The following PRKG2 variants were observed in gnomAD, a reference collection of about 807,000 sequenced individuals.
The protein encoded by PRKG2 is cGMP-dependent protein kinase 2.
PRKG2 carries 33 observed loss-of-function variants against 97.2 expected under a neutral mutation model. The ratio of observed to expected loss-of-function variants is 0.34; its 90% CI spans 0.26 to 0.45. PRKG2 has a LOEUF of 0.45. Among genes scored for constraint, PRKG2 ranks in the 20% least tolerant of loss-of-function variants. PRKG2 has a pLI of 1.00. For synonymous variants in PRKG2, 330 were observed against 321.8 expected, an observed-to-expected ratio of 1.03 and a Z score of -0.27; for missense variants, 638 against 900.0, an observed-to-expected ratio of 0.71 and a Z score of 3.73.
intron 17 of PRKG2, among the ~76,000 whole-genome samples, chr4:81,102,550 T>C (rs1742907218): frequency 6.6e-6 from 1 of 152,232 alleles, no homozygotes; most frequent in South Asian, 2.1e-4. Flanking sequence ...TAATGAGCTT[T>C]ACAGCTGAAG....
chr4:81,164,460 A>C (rs1315477945), intron 6 of PRKG2, among the ~76,000 whole-genome samples: 1 of 151,192 alleles, frequency 6.6e-6, no homozygotes, highest in African/African-American at 2.4e-5. Flanking sequence ...GAAAAAAAAA[A>C]ATCCTGGTTT....
intron 2 of PRKG2, among the ~76,000 whole-genome samples, chr4:81,201,702 A>G (rs1753325488): frequency 6.6e-6 from 1 of 152,172 alleles, no homozygotes; most frequent in Non-Finnish European, 1.5e-5. Flanking sequence ...ATTCAAATTC[A>G]GAATCTATCA....
At chr4:81,217,031 GTATATATATA>G (rs35897460), upstream of PRKG2, among the ~76,000 whole-genome samples, 9 of 115,296 alleles carry the variant, frequency 7.8e-5, no homozygotes, top group Admixed American at 7.0e-4. Context: ...TATATATTTT[GTATATATATA>G]TATATATATA....
chr4:81,095,751 T>A (rs552794770), intron 17 of PRKG2, among the ~76,000 whole-genome samples: 7 of 152,190 alleles, frequency 4.6e-5, no homozygotes, highest in Non-Finnish European at 7.3e-5. Flanking sequence ...AGAAGACTCA[T>A]AGAGTCTATT....
At chr4:81,110,311 C>T in intron 15 of PRKG2, 137 bp downstream of exon 15, 2 of 891,842 alleles carry the variant, frequency 2.2e-6, no homozygotes, top group South Asian at 4.1e-5. Context: ...GAAACAATGT[C>T]ATGAGAAAAA....
chr4:81,108,286 T>G (rs1455993973), intron 15 of PRKG2, among the ~76,000 whole-genome samples: 1 of 152,122 alleles, frequency 6.6e-6, no homozygotes, highest in Non-Finnish European at 1.5e-5. Context: ...TGACTTTCCA[T>G]GAACTACTTT....
chr4:81,106,576 T>G (rs1743364281), intron 15 of PRKG2, among the ~76,000 whole-genome samples: 1 of 152,160 alleles, frequency 6.6e-6, no homozygotes, highest in African/African-American at 2.4e-5. Context: ...ATGATGGTAG[T>G]GAGAAAGTCA....
Position 81,087,538 on chromosome 4 carries a change from C to T in PRKG2, c.*2170G>A, listed in dbSNP as rs1421171291. 6.6e-6 allele frequency: 1 copy of T among 152,064 alleles called. No homozygotes were observed. The highest frequency in any genetic ancestry group is 1.9e-4 in the East Asian group (1 of 5,180). The allele number at this position is 152,064 out of a possible 1,614,324, so 9.4% of individuals were successfully genotyped here. A position where few individuals can be genotyped will look rare whatever the true frequency, so the allele number is the denominator to read the frequency against. On this transcript the variant is annotated 3_prime_UTR_variant, in exon 19 of 19. Transcript: ENST00000264399. ...TAATAGAGACAGTAACAGTAGCTCC[C>T]GTCTATGCAGCAATGGTTATTTCAC... is the stretch of plus-strand genomic sequence containing the variant.
intron 1 of PRKG2, among the ~76,000 whole-genome samples, chr4:81,214,551 C>T (rs1754176765): frequency 6.6e-6 from 1 of 152,050 alleles, no homozygotes; most frequent in South Asian, 2.1e-4. Context: ...CAGAGCTCGA[C>T]GAAGCAAAGC....
rs189731436 is a variant in PRKG2 at position 81,154,732 on chromosome 4, G to T, written c.913-1011C>A. ...AGCGCCTCTCCTCCTCCAAAGGAAC[G>T]CAGTTCCTCACTAGCAACAGAACAA... On this transcript the variant is annotated intron_variant, in intron 6 of 18. Coordinates refer to ENST00000264399, the MANE Select transcript of PRKG2 (RefSeq NM_006259.3). Among the ~76,000 whole-genome samples, 216 of 152,286 alleles carry T rather than the reference G, an allele frequency of 1.4e-3. 2 individuals are homozygous for T. Among genetic ancestry groups the T allele is most frequent in the African/African-American group, 4.7e-3 (197 of 41,546 alleles).
intron 17 of PRKG2, among the ~76,000 whole-genome samples, chr4:81,101,027 C>T (rs1350440450): frequency 6.6e-6 from 1 of 152,058 alleles, no homozygotes; most frequent in Non-Finnish European, 1.5e-5. Flanking sequence ...TACCATCTCA[C>T]ACCAGTTAGA....
chr4:81,214,502 TA>T (rs1242549017), intron 1 of PRKG2, among the ~76,000 whole-genome samples: 1 of 151,218 alleles, frequency 6.6e-6, no homozygotes, highest in Non-Finnish European at 1.5e-5. Flanking sequence ...CCAGGACTCC[TA>T]AAAGTCCTTG....
At chr4:81,198,261 G>C (rs556667948) in intron 2 of PRKG2, among the ~76,000 whole-genome samples, 44 of 152,334 alleles carry the variant, frequency 2.9e-4, no homozygotes, top group African/African-American at 1.1e-3. Context: ...TGAGAGGGCT[G>C]AGGTGGGGAA....
rs528961445 is a variant in PRKG2, at chr4:81,183,760, C to T, written c.462-8801G>A. Among the ~76,000 whole-genome samples the T allele has an allele frequency of 3.3e-5, 5 of 152,160 alleles. No individual in the cohort carries two copies. The East Asian group carries it at 7.8e-4, about 24-fold the overall frequency. ...ATCCACTAGCTTGAAATTCTCACTG[C>T]CAGTACAGCAGTCTGAAGTCAACCT... On this transcript the variant is annotated intron_variant, in intron 2 of 18. Transcript: ENST00000264399.
chr4:81,117,092 A>C (rs1744618397), intron 14 of PRKG2, among the ~76,000 whole-genome samples: 1 of 148,158 alleles, frequency 6.7e-6, no homozygotes, highest in African/African-American at 2.5e-5. Flanking sequence ...TCCTGGGCTA[A>C]AGCAATCCTC....
At chr4:81,147,396 T>TA (rs1747958816) in intron 9 of PRKG2, among the ~76,000 whole-genome samples, 1 of 152,204 alleles carries the variant, frequency 6.6e-6, no homozygotes, top group Non-Finnish European at 1.5e-5. Context: ...CCAATATATT[T>TA]TCCATTTGAG....
At position 81,204,819 on chromosome 4, in the gene PRKG2, T is replaced by C. The variant is rs772427647; in HGVS notation, c.229A>G (p.Ile77Val). Residue 77 changes from isoleucine (I) to valine (V), a missense_variant, in exon 2 of 19, where the codon ATC becomes GTC. This residue lies in a region of PRKG2 where 332 missense variants were observed against 421.7 expected (regional missense o/e 0.79). Coordinates refer to ENST00000264399, the MANE Select transcript of PRKG2 (RefSeq NM_006259.3). ...ACATCCTGCAGCTTGTTCAGCTGGA[T>C]GCACTTGTTCTGGAGCTCCTCTGTG... ...ELTEELQNKC[I>V]QLNKLQDVVH... The C allele has an allele frequency of 1.2e-6, 2 of 1,614,218 alleles. No individual in the cohort carries two copies. The highest frequency in any genetic ancestry group is 3.3e-5 in the Admixed American group (2 of 60,028).
At chr4:81,173,986 C>A (rs954871874) in intron 3 of PRKG2, 1 of 151,926 alleles carries the variant, frequency 6.6e-6, no homozygotes, top group Non-Finnish European at 1.5e-5. Context: ...CAGAATGTGA[C>A]AAAACGTTCT....
chr4:81,147,101 T>C (rs1457230753), intron 9 of PRKG2, among the ~76,000 whole-genome samples: 1 of 152,280 alleles, frequency 6.6e-6, no homozygotes, highest in African/African-American at 2.4e-5. Context: ...TATACACACA[T>C]GAACTAAACA....
Sources: allele counts gnomAD v4.1 joint callset (sites outside exome capture counted in the v4.1 genomes callset), GRCh38; gene constraint gnomAD v4.1.1; regional missense constraint gnomAD v4.1.1; transcripts MANE v1.5; gene names NCBI Gene and HGNC (gene_info 2026-07-23, HGNC 2026-07-21).